ARAP2: variants seen among roughly 807,000 people sequenced by gnomAD.
ARAP2 encodes the protein arf-GAP with Rho-GAP domain, ANK repeat and PH domain-containing protein 2.
A neutral mutation model predicts 194.5 loss-of-function variants in ARAP2; 148 were observed. The ratio of observed to expected loss-of-function variants is 0.76; its 90% CI spans 0.67 to 0.87. The LOEUF (loss-of-function observed/expected upper bound fraction) is 0.87. ARAP2 is among the 40% of genes least tolerant of loss of function. ARAP2 has a pLI of 0.00. For missense variants in ARAP2, 2,128 were observed against 1,989.7 expected (o/e 1.07, Z -1.32); for synonymous variants, 695 against 683.5 (o/e 1.02, Z -0.26).
At position 36,066,279 on chromosome 4, in the gene ARAP2, T is replaced by G. The variant is rs1429372541; in HGVS notation, c.*1628A>C. 6.6e-6 allele frequency: 1 copy of G among 152,122 alleles called. No homozygotes were observed. The highest frequency in any genetic ancestry group is 1.5e-5 in the Non-Finnish European group (1 of 68,010). The allele number at this position is 152,122 out of a possible 1,614,324, so 9.4% of individuals were successfully genotyped here. On this transcript the variant is annotated 3_prime_UTR_variant, in exon 33 of 33. Transcript: ENST00000303965. ...TTAGAAATAGTATGTTTAAGATTAG[T>G]TTTTCTTTCTAAATAACATGATTTC... is the stretch of plus-strand genomic sequence containing the variant.
chr4:36,087,660 T>C (rs777679404), intron 28 of ARAP2, among the ~76,000 whole-genome samples: 1 of 152,168 alleles, frequency 6.6e-6, no homozygotes, highest in Non-Finnish European at 1.5e-5. Flanking sequence ...CTGTGGCAGA[T>C]ATTAAAGTGT....
At position 36,147,351 on chromosome 4, in the gene ARAP2, T is replaced by C. The variant is rs1280048080; in HGVS notation, c.3208A>G (p.Thr1070Ala). The change falls in exon 19 of 33, where the codon ACA becomes GCA. Residue 1070 changes from threonine (T) to alanine (A), a missense_variant. Thr to Ala is a moderately conservative substitution (Grantham distance 58). Transcript: ENST00000303965. Reference protein sequence around the residue: ...LRRLQELTISTMVQNGEKLDV... With the variant: ...LRRLQELTISAMVQNGEKLDV... ...AGTTTTTCCCCATTTTGAACCATTG[T>C]GCTGATTGCTGAAGGGAGAATGAAA... 6.2e-7 allele frequency: 1 copy of C among 1,613,104 alleles called. No individual in the cohort carries two copies. Among genetic ancestry groups the C allele is most frequent in the Non-Finnish European group, 8.5e-7 (1 of 1,179,322 alleles).
intron 3 of ARAP2, among the ~76,000 whole-genome samples, chr4:36,048,038 C>T (rs1294656041): frequency 6.6e-6 from 1 of 152,132 alleles, no homozygotes; most frequent in East Asian, 1.9e-4. Context: ...ACATTGGATT[C>T]TTATGGATAG....
At chr4:36,102,571 C>T (rs1322521066) in intron 27 of ARAP2, among the ~76,000 whole-genome samples, 1 of 151,856 alleles carries the variant, frequency 6.6e-6, no homozygotes, top group African/African-American at 2.4e-5. Flanking sequence ...ATGATATTTC[C>T]TTGAATAAGA....
At chr4:36,185,978 C>CAAAAAAAAAAAAAAAAAAAA (rs1054588041) in intron 8 of ARAP2, among the ~76,000 whole-genome samples, 1 of 135,150 alleles carries the variant, frequency 7.4e-6, no homozygotes, top group African/African-American at 2.8e-5. Context: ...AACTCTGTCT[C>CAAAAAAAAAAAAAAAAAAAA]AAAAAAAAAA....
chr4:36,036,723 C>A (rs549217368), intron 5 of ARAP2, among the ~76,000 whole-genome samples: 2 of 152,178 alleles, frequency 1.3e-5, no homozygotes, highest in South Asian at 4.2e-4. Flanking sequence ...CTACTCCAAG[C>A]ATCTATTCCA....
chr4:36,020,874 C>A (rs1716811068), intron 5 of ARAP2, among the ~76,000 whole-genome samples: 2 of 152,060 alleles, frequency 1.3e-5, no homozygotes, highest in African/African-American at 4.8e-5. Context: ...CTTGGTAGTG[C>A]TAACAAAGTT....
intron 23 of ARAP2, 134 bp from the exon 24 acceptor site, chr4:36,119,852 T>C (rs1317014383): frequency 5.3e-6 from 3 of 570,026 alleles, no homozygotes; most frequent in Non-Finnish European, 9.1e-6. Flanking sequence ...GGAATCAATA[T>C]GAGCCCACAC....
intron 19 of ARAP2, among the ~76,000 whole-genome samples, chr4:36,145,920 C>A (rs1197154113): frequency 1.3e-5 from 2 of 151,962 alleles, no homozygotes; most frequent in Non-Finnish European, 2.9e-5. Flanking sequence ...CCAGATACAA[C>A]CTCTTCACTT....
chr4:36,100,032 T>C (rs1391358613), intron 27 of ARAP2, among the ~76,000 whole-genome samples: 2 of 152,072 alleles, frequency 1.3e-5, no homozygotes, highest in East Asian at 1.9e-4. Flanking sequence ...GATTTCAGGA[T>C]AGTAAGGGGT....
chr4:36,098,907 T>C (rs1210350408), intron 27 of ARAP2, among the ~76,000 whole-genome samples: 1 of 152,084 alleles, frequency 6.6e-6, no homozygotes, highest in East Asian at 1.9e-4. Context: ...AACATTTAAG[T>C]TCTGGGGTAC....
intron 9 of ARAP2, among the ~76,000 whole-genome samples, chr4:36,010,376 C>A (rs1046468211): frequency 4.6e-5 from 7 of 151,878 alleles, no homozygotes; most frequent in African/African-American, 1.7e-4. Context: ...CGGTCTAGTC[C>A]TACTATGAAT....
At position 36,228,863 on chromosome 4, in the gene ARAP2, C is replaced by CT; in HGVS notation, c.623dup (p.Leu209AlafsTer3). 6.2e-7 allele frequency: 1 copy of CT among 1,614,086 alleles called. No individual in the cohort carries two copies. The highest frequency in any genetic ancestry group is 8.5e-7 in the Non-Finnish European group (1 of 1,180,000). On this transcript the variant is annotated frameshift_variant, in exon 2 of 33. Transcript: ENST00000303965. LOFTEE classifies it high-confidence loss of function. The stretch of plus-strand genomic sequence containing the variant: ...GGCATTCAGAGTCTGCATTAGGGAG[C>CT]TTACTGAGATTTTCTGTGATCAATT...
chr4:36,204,715 G>A (rs1400460025), intron 6 of ARAP2, among the ~76,000 whole-genome samples: 1 of 152,106 alleles, frequency 6.6e-6, no homozygotes, highest in Non-Finnish European at 1.5e-5. Flanking sequence ...AACAGGCCGG[G>A]CACGGTCGTT....
At chr4:36,234,169 A>G (rs1197383893) in intron 1 of ARAP2, among the ~76,000 whole-genome samples, 1 of 152,214 alleles carries the variant, frequency 6.6e-6, no homozygotes, top group African/African-American at 2.4e-5. Context: ...AACCATAATA[A>G]GTTGGGAAGC....
chr4:36,043,628 G>A (rs896323305), intron 5 of ARAP2, among the ~76,000 whole-genome samples: 11 of 151,862 alleles, frequency 7.2e-5, no homozygotes, highest in East Asian at 3.9e-4. Context: ...TGTTGCCTCC[G>A]CTATATAATT....
rs569934331 is a variant in ARAP2 at position 36,214,347 on chromosome 4, G to A, written c.964+75C>T. 2.5e-4 allele frequency: 319 copies of A among 1,263,222 alleles called. 11 individuals are homozygous for A. In the South Asian group the frequency reaches 4.3e-3, roughly 17 times the overall value. 78.3% of individuals were successfully genotyped at this position (1,263,222 alleles called of 1,614,324 possible). On this transcript the variant is annotated intron_variant, in intron 3 of 32. Coordinates refer to ENST00000303965, the MANE Select transcript of ARAP2 (RefSeq NM_015230.4). ...CCTATACCACAGGTGGGCTGCCTTC[G>A]CAATCATGATTTTAACACAGTTAAG...
intron 2 of ARAP2, among the ~76,000 whole-genome samples, chr4:36,227,042 A>C (rs566266508): frequency 1.4e-4 from 21 of 152,352 alleles, no homozygotes; most frequent in African/African-American, 5.0e-4. Context: ...TTACAGTCCC[A>C]ACAAATAATC....
intron 6 of ARAP2, chr4:36,015,967 A>G (rs181299914): frequency 5.0e-4 from 76 of 152,338 alleles, no homozygotes; most frequent in African/African-American, 1.6e-3. Context: ...CTCTAAAAAA[A>G]CATTGCATAT....
Sources: allele counts gnomAD v4.1 joint callset (sites outside exome capture counted in the v4.1 genomes callset), GRCh38; gene constraint gnomAD v4.1.1; transcripts MANE v1.5; gene names NCBI Gene and HGNC (gene_info 2026-07-23, HGNC 2026-07-21).